The following CACNA1B variants were observed in gnomAD, a reference collection of about 807,000 sequenced individuals.
CACNA1B encodes voltage-dependent N-type calcium channel subunit alpha-1B.
In CACNA1B, 70 loss-of-function variants were observed where a neutral mutation model predicts 247.2. That is an observed-to-expected ratio of 0.28 (90% CI 0.23 to 0.35). CACNA1B has a LOEUF of 0.35. Among genes scored for constraint, CACNA1B ranks in the 10% least tolerant of loss-of-function variants. The probability of loss-of-function intolerance (pLI) is 1.00; values close to 1 mark genes in which losing one functional copy is unlikely to be tolerated. For missense variants in CACNA1B, 2,367 were observed against 3,197.4 expected (o/e 0.74, Z 6.26); for synonymous variants, 1,231 against 1,294.4 (o/e 0.95, Z 1.05).
At position 138,050,982 on chromosome 9, in the gene CACNA1B, CA is replaced by C. The variant is rs1383971264; in HGVS notation, c.3711-1109del. On this transcript the variant is annotated intron_variant, in intron 24 of 46. Coordinates refer to ENST00000371372, the MANE Select transcript of CACNA1B (RefSeq NM_000718.4). The surrounding 1 kb of genome is among the most constrained non-coding windows in gnomAD (Gnocchi z 5.2). The stretch of plus-strand genomic sequence containing the variant: ...TGTTGCTGGAGCCCCAGGAAGAGCA[CA>C]GGGGGCAGGGCCACCCCTAGAAGCA... Among the ~76,000 whole-genome samples the C allele has an allele frequency of 6.6e-6, 1 of 152,144 alleles. No homozygotes were observed. The highest frequency in any genetic ancestry group is 1.5e-5 in the Non-Finnish European group (1 of 68,020).
intron 21 of CACNA1B, 39 bp downstream of exon 21, chr9:138,043,939 T>A (rs1360039950): frequency 6.2e-7 from 1 of 1,605,052 alleles, no homozygotes; most frequent in African/African-American, 1.3e-5. Context: ...GGCCGCCCAC[T>A]CACCCATGCA....
At chr9:137,968,516 G>A (rs951312561) in intron 10 of CACNA1B, among the ~76,000 whole-genome samples, 7 of 152,216 alleles carry the variant, frequency 4.6e-5, no homozygotes, top group African/African-American at 1.4e-4. Flanking sequence ...AGCCATTAGG[G>A]CCTCCATCAG....
chr9:137,904,352 C>CTT (rs11351694), intron 3 of CACNA1B, among the ~76,000 whole-genome samples: 1,192 of 80,422 alleles, frequency 0.015, 1 homozygote, highest in Non-Finnish European at 0.02. Context: ...CTCTCTCTCT[C>CTT]TTTTTTTTTT....
chr9:138,000,314 GGT>G (rs1958557716), intron 15 of CACNA1B, among the ~76,000 whole-genome samples: 2 of 151,976 alleles, frequency 1.3e-5, no homozygotes, highest in Non-Finnish European at 2.9e-5. Context: ...TAGCCAGGAT[GGT>G]CTCGATCTCC....
At chr9:138,096,733 T>A in intron 37 of CACNA1B, 122 bp downstream of exon 37, 1 of 884,424 alleles carries the variant, frequency 1.1e-6, no homozygotes, top group Non-Finnish European at 1.7e-6. Flanking sequence ...GTTTGGGGCC[T>A]AGGGATCTGT....
chr9:137,971,481 A>T lies in CACNA1B; in HGVS notation c.1432A>T (p.Met478Leu), dbSNP rs1285728525. 1 of 1,613,698 alleles carries T rather than the reference A, an allele frequency of 6.2e-7. No individual in the cohort carries two copies. Among genetic ancestry groups the T allele is most frequent in the East Asian group, 2.2e-5 (1 of 44,876 alleles). ...EKMFRFFIRR[M>L]VKAQSFYWVV... is the part of the protein sequence containing the mutation. ...GATGTTCCGGTTTTTTATCCGGCGC[A>T]TGGTGAAGGCTCAGAGCTTCTACTG... Residue 478 changes from methionine to leucine, a missense_variant, in exon 11 of 47, where the codon ATG becomes TTG. Transcript: ENST00000371372. This position sits in a 1 kb window ranked among gnomAD's most constrained non-coding sequence, Gnocchi z 4.4.
At chr9:138,048,384 G>T (rs1387654939) in intron 23 of CACNA1B, among the ~76,000 whole-genome samples, 1 of 152,202 alleles carries the variant, frequency 6.6e-6, no homozygotes, top group Non-Finnish European at 1.5e-5. Flanking sequence ...AGTGATGGAG[G>T]AGCAGATGGA....
At chr9:138,082,077 T>C (rs1166589776) in intron 36 of CACNA1B, among the ~76,000 whole-genome samples, 1 of 151,210 alleles carries the variant, frequency 6.6e-6, no homozygotes, top group African/African-American at 2.4e-5. Flanking sequence ...TAAATCTTTA[T>C]GACGTTTTAC....
At position 137,952,452 on chromosome 9, in the gene CACNA1B, C is replaced by A; in HGVS notation, c.1070+75C>A. On this transcript the variant is annotated intron_variant, in intron 7 of 46. Coordinates refer to ENST00000371372, the MANE Select transcript of CACNA1B (RefSeq NM_000718.4). This position sits in a 1 kb window ranked among gnomAD's most constrained non-coding sequence, Gnocchi z 4.8. ...GAGGGGTCAACAGGGGCACGTGTGACACTTGGGGTGGGGGCCTGGCCCATG... is the reference window on the plus strand; with the variant it reads ...GAGGGGTCAACAGGGGCACGTGTGAAACTTGGGGTGGGGGCCTGGCCCATG... The A allele has an allele frequency of 8.0e-7, 1 of 1,257,482 alleles. No individual in the cohort carries two copies. Among genetic ancestry groups the A allele is most frequent in the Non-Finnish European group, 1.2e-6 (1 of 861,194 alleles). The allele number at this position is 1,257,482 out of a possible 1,614,324, so 77.9% of individuals were successfully genotyped here. A position where few individuals can be genotyped will look rare whatever the true frequency, so the allele number is the denominator to read the frequency against.
Position 138,093,890 on chromosome 9 carries a change from T to A in CACNA1B, c.5095-2594T>A, listed in dbSNP as rs76903998. 2.0e-3 allele frequency among the ~76,000 whole-genome samples: 312 copies of A among 152,210 alleles called. 1 individual carries two copies. Among genetic ancestry groups the A allele is most frequent in the African/African-American group, 6.2e-3 (256 of 41,504 alleles). ...TCCTCAAAATAGTAGTAAAAGTGAA[T>A]TACAGAATGATCCAGTAATTGTACT... On this transcript the variant is annotated intron_variant, in intron 36 of 46. Coordinates refer to ENST00000371372, the MANE Select transcript of CACNA1B (RefSeq NM_000718.4).
At chr9:137,983,061 T>C (rs968498154) in intron 12 of CACNA1B, among the ~76,000 whole-genome samples, 4 of 152,234 alleles carry the variant, frequency 2.6e-5, no homozygotes, top group African/African-American at 9.6e-5. Context: ...CTTAGCATAT[T>C]CATCGTTCTC....
intron 36 of CACNA1B, among the ~76,000 whole-genome samples, chr9:138,081,216 G>GGGCC (rs1351928290): frequency 2.0e-5 from 3 of 152,184 alleles, no homozygotes; most frequent in Non-Finnish European, 4.4e-5. Flanking sequence ...ACCACGTACA[G>GGGCC]GGCCAGCACT....
chr9:138,071,614 G>C (rs549889038), intron 32 of CACNA1B, among the ~76,000 whole-genome samples: 9 of 152,200 alleles, frequency 5.9e-5, no homozygotes, highest in African/African-American at 1.7e-4. Flanking sequence ...CAGGAGGAAG[G>C]GGGGAGTGTG....
At chr9:138,027,885 G>A (rs1331422838) in intron 20 of CACNA1B, among the ~76,000 whole-genome samples, 1 of 152,012 alleles carries the variant, frequency 6.6e-6, no homozygotes, top group Non-Finnish European at 1.5e-5. Context: ...GATGTGTTCT[G>A]TAGCTTTCTT....
intron 10 of CACNA1B, among the ~76,000 whole-genome samples, chr9:137,968,702 T>A (rs1165415982): frequency 2.0e-5 from 3 of 152,204 alleles, no homozygotes. Context: ...CTGGCACAAT[T>A]TGTACACATT....
In CACNA1B at chr9:138,121,953, G is replaced by T. The variant is rs767110355; in HGVS notation, c.6974G>T (p.Arg2325Leu). The T allele has an allele frequency of 6.2e-7, 1 of 1,604,438 alleles. No homozygotes were observed. The highest frequency in any genetic ancestry group is 2.2e-5 in the East Asian group (1 of 44,864). ...HCTLGLSSGGRARHSYHHPDQ... is the reference protein window; with the variant it reads ...HCTLGLSSGGLARHSYHHPDQ... ...ACCCTGGGACTCAGCTCGGGTGGCCGAGCACGGCACAGCTACCACCACCCT... is the reference window on the plus strand; with the variant it reads ...ACCCTGGGACTCAGCTCGGGTGGCCTAGCACGGCACAGCTACCACCACCCT... Residue 2325 changes from arginine to leucine, a missense_variant, in exon 47 of 47, where the codon CGA (arginine) becomes CTA (leucine). Physicochemically the swap from Arg to Leu is moderately radical, Grantham distance 102. Around this residue, in one of 12 missense-constraint regions of CACNA1B, gnomAD observed 773 missense variants for 779.4 expected, o/e 0.99. Transcript: ENST00000371372. This position sits in a 1 kb window ranked among gnomAD's most constrained non-coding sequence, Gnocchi z 6.8.
rs911616914 is a variant in CACNA1B at position 138,011,274 on chromosome 9, A to G, written c.2160+1197A>G. ...GGCTGCACTGGAGCGCTGGGGCCCCACTGTCTCTTTAAGTTCTGTCATGAA... is the reference window on the plus strand; with the variant it reads ...GGCTGCACTGGAGCGCTGGGGCCCCGCTGTCTCTTTAAGTTCTGTCATGAA... On this transcript the variant is annotated intron_variant, in intron 17 of 46. Coordinates refer to ENST00000371372, the MANE Select transcript of CACNA1B (RefSeq NM_000718.4). The surrounding 1 kb of genome is among the most constrained non-coding windows in gnomAD (Gnocchi z 4.2). Among the ~76,000 whole-genome samples the G allele has an allele frequency of 6.6e-6, 1 of 152,082 alleles. No individual in the cohort carries two copies. Among genetic ancestry groups the G allele is most frequent in the African/African-American group, 2.4e-5 (1 of 41,412 alleles).
chr9:137,983,143 C>G (rs1958313976), intron 12 of CACNA1B, among the ~76,000 whole-genome samples: 1 of 152,212 alleles, frequency 6.6e-6, no homozygotes, highest in Admixed American at 6.5e-5. Context: ...GTGGAAATGA[C>G]TGAAACTTTG....
At chr9:138,003,313 C>T (rs760043908) in intron 15 of CACNA1B, among the ~76,000 whole-genome samples, 1 of 151,528 alleles carries the variant, frequency 6.6e-6, no homozygotes, top group Non-Finnish European at 1.5e-5. Context: ...GCTGGGACTA[C>T]AGGTGCGCAC....
Sources: gnomAD v4.1 joint callset for allele counts (sites outside exome capture counted in the v4.1 genomes callset) on GRCh38, gnomAD v4.1.1 for gene constraint, gnomAD v4.1.1 regional missense constraint, Gnocchi (gnomAD v3.1) non-coding constraint, MANE v1.5 for transcripts, NCBI Gene and HGNC (gene_info 2026-07-23, HGNC 2026-07-21) for gene names.